The following VPS54 variants were observed in gnomAD, a reference collection of about 807,000 sequenced individuals.
VPS54 encodes the protein VPS54 subunit of GARP complex.
Under a neutral mutation model 121.5 loss-of-function variants are expected in VPS54, and 45 were observed. That is an observed-to-expected ratio of 0.37 (90% confidence interval 0.29 to 0.47). The LOEUF (loss-of-function observed/expected upper bound fraction) is 0.47. VPS54 is among the 20% of genes least tolerant of loss of function. The pLI is 0.99. For synonymous variants in VPS54, 371 were observed against 385.8 expected (o/e 0.96, Z 0.45); for missense variants, 1,090 against 1,131.4 (o/e 0.96, Z 0.52).
At chr2:63,980,915 C>A (rs1228394661) in intron 3 of VPS54, among the ~76,000 whole-genome samples, 1 of 151,630 alleles carries the variant, frequency 6.6e-6, no homozygotes, top group Admixed American at 6.6e-5. Flanking sequence ...TATATAGGTT[C>A]TGTATAAAAA....
chr2:63,917,023 A>T, intron 15 of VPS54, 60 bp from the exon 16 acceptor site: 1 of 1,562,102 alleles, frequency 6.4e-7, no homozygotes, highest in Non-Finnish European at 8.8e-7. Context: ...AATAGAGAAA[A>T]AGCTGAAGAA....
intron 1 of VPS54, among the ~76,000 whole-genome samples, chr2:63,988,336 C>A (rs1007191220): frequency 2.0e-5 from 3 of 152,150 alleles, no homozygotes; most frequent in African/African-American, 7.2e-5. Flanking sequence ...TATCTACATT[C>A]CTGAAATAAA....
At chr2:63,968,223 T>G (rs1483047576) in intron 5 of VPS54, among the ~76,000 whole-genome samples, 2 of 152,192 alleles carry the variant, frequency 1.3e-5, no homozygotes, top group East Asian at 3.9e-4. Flanking sequence ...CTCGACAAAA[T>G]TTTTCATACA....
intron 20 of VPS54, among the ~76,000 whole-genome samples, chr2:63,901,527 G>A (rs1225169963): frequency 6.6e-6 from 1 of 152,214 alleles, no homozygotes; most frequent in East Asian, 1.9e-4. Context: ...GGATCAAAGG[G>A]AGAAGATCAT....
At chr2:63,898,491 C>T (rs1320410293) in intron 21 of VPS54, among the ~76,000 whole-genome samples, 9 of 151,930 alleles carry the variant, frequency 5.9e-5, no homozygotes, top group African/African-American at 1.7e-4. Flanking sequence ...TAGGGAAGTA[C>T]GAAGAAAATG....
At chr2:63,995,448 T>C (rs1461864380) in intron 1 of VPS54, among the ~76,000 whole-genome samples, 1 of 152,254 alleles carries the variant, frequency 6.6e-6, no homozygotes, top group Non-Finnish European at 1.5e-5. Flanking sequence ...TAATGAAGTG[T>C]TACAGCGAAT....
rs371727137 is a variant in VPS54, at chr2:63,949,021, C to T, written c.1137+16G>A. 1.2e-6 allele frequency: 2 copies of T among 1,606,912 alleles called. No homozygotes were observed. Among genetic ancestry groups the T allele is most frequent in the African/African-American group, 2.7e-5 (2 of 74,620 alleles). On this transcript the variant is annotated intron_variant, in intron 8 of 22. Coordinates refer to ENST00000272322, the MANE Select transcript of VPS54 (RefSeq NM_016516.3). ...AAGCAATGGCATCAACTTCATTCCA[C>T]AGTTAAAACACATACCTCTTCTAAA...
chr2:63,953,590 A>G (rs1675358871), intron 7 of VPS54, among the ~76,000 whole-genome samples: 1 of 152,224 alleles, frequency 6.6e-6, no homozygotes, highest in Non-Finnish European at 1.5e-5. Flanking sequence ...TTGAGAATGC[A>G]TGCTGTAGCG....
intron 7 of VPS54, among the ~76,000 whole-genome samples, chr2:63,957,116 G>T (rs539745315): frequency 6.6e-6 from 1 of 151,984 alleles, no homozygotes; most frequent in Non-Finnish European, 1.5e-5. Context: ...GTAATAGATA[G>T]CAAAATTTCA....
chr2:63,905,481 TC>T (rs1672864935), intron 20 of VPS54, among the ~76,000 whole-genome samples: 1 of 151,740 alleles, frequency 6.6e-6, no homozygotes, highest in East Asian at 1.9e-4. Context: ...CAAAGTGTAC[TC>T]AAGTAGATTA....
At chr2:63,972,075 G>T in intron 4 of VPS54, 91 bp downstream of exon 4, 1 of 681,170 alleles carries the variant, frequency 1.5e-6, no homozygotes, top group Non-Finnish European at 2.2e-6. Flanking sequence ...AAAAATTATA[G>T]ATATAACAGG....
intron 1 of VPS54, among the ~76,000 whole-genome samples, chr2:63,986,323 T>G (rs886804269): frequency 4.6e-5 from 7 of 152,072 alleles, no homozygotes; most frequent in African/African-American, 1.7e-4. Context: ...CACTCGAGTT[T>G]CAATTATTTT....
At chr2:63,943,727 C>CT (rs1553476083) in intron 10 of VPS54, among the ~76,000 whole-genome samples, 1,815 of 129,560 alleles carry the variant, frequency 0.014, 26 homozygotes, top group South Asian at 0.035. Context: ...TTCTTTCTTT[C>CT]TTTTTTTTTT....
chr2:63,893,894 G>A (rs1156311726), intron 22 of VPS54, among the ~76,000 whole-genome samples: 2 of 152,160 alleles, frequency 1.3e-5, no homozygotes, highest in Non-Finnish European at 2.9e-5. Context: ...TGGGAGTGCT[G>A]ACTAAAATAG....
intron 4 of VPS54, among the ~76,000 whole-genome samples, chr2:63,971,702 C>A (rs1370175433): frequency 6.6e-6 from 1 of 152,226 alleles, no homozygotes; most frequent in Non-Finnish European, 1.5e-5. Flanking sequence ...CTTTAATATA[C>A]AGTGATACAA....
At chr2:63,955,864 T>C (rs2104545290) in intron 7 of VPS54, among the ~76,000 whole-genome samples, 1 of 152,214 alleles carries the variant, frequency 6.6e-6, no homozygotes, top group South Asian at 2.1e-4. Flanking sequence ...AACAAAAATA[T>C]TTAAGATAAA....
chr2:63,909,853 T>C (rs1235996948), intron 20 of VPS54, among the ~76,000 whole-genome samples: 1 of 150,440 alleles, frequency 6.6e-6, no homozygotes, highest in Admixed American at 6.7e-5. Context: ...GCCTCCCGAG[T>C]AGCTGGGATT....
chr2:63,947,601 C>A, intron 8 of VPS54, 111 bp from the exon 9 acceptor site: 1 of 943,712 alleles, frequency 1.1e-6, no homozygotes, highest in Non-Finnish European at 1.5e-6. Flanking sequence ...CTCTATCCTG[C>A]ACAAAGTATT....
Position 63,970,625 on chromosome 2 carries a change from G to A in VPS54, c.457+1541C>T, listed in dbSNP as rs1038886550. Among the ~76,000 whole-genome samples, 12 of 152,076 alleles carry A rather than the reference G, an allele frequency of 7.9e-5. 1 individual carries two copies. The highest frequency in any genetic ancestry group is 7.2e-4 in the Admixed American group (11 of 15,274). On this transcript the variant is annotated intron_variant, in intron 4 of 22. Transcript: ENST00000272322. ...CTCAGTGTACAAATTGATCTATCCC[G>A]AACTATTCTGACATTACAGACCAAC...
Sources: gnomAD v4.1 joint callset for allele counts (sites outside exome capture counted in the v4.1 genomes callset) on GRCh38, gnomAD v4.1.1 for gene constraint, MANE v1.5 for transcripts, NCBI Gene and HGNC (gene_info 2026-07-23, HGNC 2026-07-21) for gene names.